Variants in MED13L observed in about 807,000 individuals in gnomAD.
The protein encoded by MED13L is mediator of RNA polymerase II transcription subunit 13-like.
A neutral mutation model predicts 220.9 loss-of-function variants in MED13L; 7 were observed. The observed-to-expected ratio is 0.03, with a 90% CI of 0.02 to 0.06. MED13L has a LOEUF of 0.06. Ranked by LOEUF, MED13L falls within the 10% of genes least tolerant of loss-of-function variation. MED13L has a pLI of 1.00. For missense variants in MED13L, 1,965 were observed against 2,760.5 expected (o/e 0.71, Z 6.46); for synonymous variants, 1,011 against 1,015.2 (o/e 1.00, Z 0.08).
intron 1 of MED13L, among the ~76,000 whole-genome samples, chr12:116,239,324 T>G (rs1287779497): frequency 6.6e-6 from 1 of 152,190 alleles, no homozygotes; most frequent in Non-Finnish European, 1.5e-5. Flanking sequence ...CTTGGTTTCC[T>G]CTAAATATAA....
intron 2 of MED13L, chr12:116,148,613 A>ATC (rs775617124): frequency 7.0e-5 from 7 of 100,548 alleles, no homozygotes; most frequent in Non-Finnish European, 2.3e-5. Flanking sequence ...AGATATCTAT[A>ATC]TATATATATA....
Position 116,022,481 on chromosome 12 carries a change from A to G in MED13L, c.600T>C (p.Ala200=), listed in dbSNP as rs776122250. Residue 200 remains alanine (A), a synonymous_variant, in exon 5 of 31, where the codon GCT becomes GCC. Coordinates refer to ENST00000281928, the MANE Select transcript of MED13L (RefSeq NM_015335.5). ...YLINEEHIHM[A]QSSPAPFQVL... is the part of the protein sequence containing the mutation. Reference sequence around the variant, plus strand: ...CTTGAAATGGTGCAGGTGAAGACTGAGCCATGTGTATATGCTCCTCATTGA... The same window carrying G: ...CTTGAAATGGTGCAGGTGAAGACTGGGCCATGTGTATATGCTCCTCATTGA... 1 of 1,613,794 alleles carries G rather than the reference A, an allele frequency of 6.2e-7. No homozygotes were observed. Among genetic ancestry groups the G allele is most frequent in the Non-Finnish European group, 8.5e-7 (1 of 1,179,852 alleles).
chr12:116,121,784 A>G (rs955216683), intron 2 of MED13L, among the ~76,000 whole-genome samples: 5 of 152,204 alleles, frequency 3.3e-5, no homozygotes, highest in Non-Finnish European at 7.3e-5. Context: ...CTCAGGCATC[A>G]AAACTAATGA....
chr12:116,138,946 A>T (rs1876821293), intron 2 of MED13L, among the ~76,000 whole-genome samples: 1 of 152,194 alleles, frequency 6.6e-6, no homozygotes. Context: ...AACTGCTTAA[A>T]TTCAGGGTGA....
intron 2 of MED13L, among the ~76,000 whole-genome samples, chr12:116,137,782 C>T (rs150679822): frequency 2.1e-4 from 32 of 151,562 alleles, no homozygotes; most frequent in Admixed American, 1.1e-3. Flanking sequence ...CTAAAAAATA[C>T]GGTGTTGTAC....
At chr12:116,029,279 A>G (rs1443311635) in intron 4 of MED13L, among the ~76,000 whole-genome samples, 1 of 151,518 alleles carries the variant, frequency 6.6e-6, no homozygotes, top group Non-Finnish European at 1.5e-5. Context: ...GAAGCATTTA[A>G]ACTGAGGTTT....
intron 2 of MED13L, among the ~76,000 whole-genome samples, chr12:116,212,985 C>A (rs1478788719): frequency 4.0e-5 from 6 of 151,832 alleles, no homozygotes; most frequent in Non-Finnish European, 8.8e-5. Context: ...GATGGCTAGC[C>A]TAAAAAGAAA....
chr12:116,261,162 C>A (rs532544099), intron 1 of MED13L, among the ~76,000 whole-genome samples: 6 of 152,112 alleles, frequency 3.9e-5, no homozygotes, highest in Non-Finnish European at 8.8e-5. Context: ...CTTTTTTCTG[C>A]CCCTCCCTTC....
intron 2 of MED13L, among the ~76,000 whole-genome samples, chr12:116,234,758 AG>A (rs1869910060): frequency 6.6e-6 from 1 of 152,012 alleles, no homozygotes; most frequent in Non-Finnish European, 1.5e-5. Flanking sequence ...CCTGGGTTTA[AG>A]TGATCCTCCA....
intron 2 of MED13L, chr12:116,232,014 A>G (rs1869606084): frequency 1.1e-6 from 1 of 902,868 alleles, no homozygotes; most frequent in African/African-American, 1.8e-5. Context: ...GCCCACTTGC[A>G]ATGAGTTCAA....
chr12:116,189,047 A>C (rs1452978260), intron 2 of MED13L, among the ~76,000 whole-genome samples: 1 of 152,198 alleles, frequency 6.6e-6, no homozygotes, highest in Non-Finnish European at 1.5e-5. Context: ...GCACAAACAT[A>C]CGTTTTCACT....
chr12:116,171,716 T>C (rs1879691994), intron 2 of MED13L, among the ~76,000 whole-genome samples: 1 of 152,222 alleles, frequency 6.6e-6, no homozygotes, highest in African/African-American at 2.4e-5. Context: ...AATCCTTCTG[T>C]AACATAGCCT....
At chr12:116,155,477 T>C (rs1278891088) in intron 2 of MED13L, among the ~76,000 whole-genome samples, 6 of 152,152 alleles carry the variant, frequency 3.9e-5, no homozygotes, top group Non-Finnish European at 8.8e-5. Flanking sequence ...AAATTTCTTT[T>C]AAATCAATTA....
intron 1 of MED13L, among the ~76,000 whole-genome samples, chr12:116,248,885 T>C (rs948165070): frequency 8.5e-5 from 13 of 152,146 alleles, no homozygotes; most frequent in African/African-American, 3.1e-4. Flanking sequence ...ACAGAATATA[T>C]AAAATTACTG....
At chr12:115,992,023 A>T (rs1878095457) in intron 16 of MED13L, 66 bp from the exon 17 acceptor site, 1 of 1,332,772 alleles carries the variant, frequency 7.5e-7, no homozygotes, top group Non-Finnish European at 1.1e-6. Context: ...TAGACACATG[A>T]TCACCCCAGC....
intron 1 of MED13L, among the ~76,000 whole-genome samples, chr12:116,247,004 GAGTTAAACCCTCCTCTTCGAT>G (rs1871160365): frequency 6.6e-6 from 1 of 151,960 alleles, no homozygotes; most frequent in Admixed American, 6.6e-5. Context: ...CAGAAAGAAT[GAGTTAAACCCTCCTCTTCGAT>G]AGTGGAAGAT....
intron 2 of MED13L, among the ~76,000 whole-genome samples, chr12:116,177,849 C>T (rs1880187593): frequency 6.6e-6 from 1 of 152,086 alleles, no homozygotes; most frequent in Non-Finnish European, 1.5e-5. Context: ...CTTTGGAATT[C>T]CCAAGAAACA....
At chr12:115,971,360 T>C (rs1453729634) in intron 26 of MED13L, among the ~76,000 whole-genome samples, 1 of 152,188 alleles carries the variant, frequency 6.6e-6, no homozygotes, top group Non-Finnish European at 1.5e-5. Context: ...CATCTGTCTC[T>C]CACTGGATTG....
chr12:116,193,687 TTAC>T (rs766500758), intron 2 of MED13L, among the ~76,000 whole-genome samples: 129 of 150,962 alleles, frequency 8.5e-4, no homozygotes, highest in Non-Finnish European at 1.4e-3. Context: ...GAATTTCTAA[TTAC>T]TAATAATCAG....
Sources: allele counts gnomAD v4.1 joint callset (sites outside exome capture counted in the v4.1 genomes callset), GRCh38; gene constraint gnomAD v4.1.1; transcripts MANE v1.5; gene names NCBI Gene and HGNC (gene_info 2026-07-23, HGNC 2026-07-21).